The following ATP13A4 variants were observed in gnomAD, a reference collection of about 807,000 sequenced individuals.
ATP13A4 encodes the protein probable cation-transporting ATPase 13A4.
ATP13A4 carries 114 observed loss-of-function variants against 142.5 expected under a neutral mutation model. That is an observed-to-expected ratio of 0.80 (90% CI 0.69 to 0.93). ATP13A4 has a LOEUF of 0.93. ATP13A4 is among the 40% of genes least tolerant of loss of function. The probability of loss-of-function intolerance (pLI) is 0.00; values close to 1 mark genes in which losing one functional copy is unlikely to be tolerated. For missense variants in ATP13A4, 1,392 were observed against 1,454.0 expected, an observed-to-expected ratio of 0.96 and a Z score of 0.69; for synonymous variants, 488 against 514.8, an observed-to-expected ratio of 0.95 and a Z score of 0.70.
intron 2 of ATP13A4, among the ~76,000 whole-genome samples, chr3:193,570,765 G>T (rs1482191774): frequency 1.3e-5 from 2 of 152,188 alleles, no homozygotes; most frequent in Non-Finnish European, 2.9e-5. Flanking sequence ...TACCAGTTGT[G>T]TGGTCAGGGG....
chr3:193,412,446 C>T, intron 26 of ATP13A4, 75 bp from the exon 27 acceptor site: 1 of 1,390,864 alleles, frequency 7.2e-7, no homozygotes, highest in East Asian at 2.4e-5. Flanking sequence ...CAGAAGATTC[C>T]ATACCAAACA....
chr3:193,502,573 A>G lies in ATP13A4; in HGVS notation c.301T>C (p.Phe101Leu). Residue 101 changes from phenylalanine (F) to leucine (L), a missense_variant, in exon 3 of 30, where the codon TTT becomes CTT. Phe to Leu is a conservative substitution (Grantham distance 22). Transcript: ENST00000342695. ...WIYLSALNSAFGLTPDHPLMT... is the reference protein window; with the variant it reads ...WIYLSALNSALGLTPDHPLMT... ...AGAGGGTGGTCAGGAGTGAGACCAAATGCGCTGTTTAATGCTGACAGGTAG... is the reference window on the plus strand; with the variant it reads ...AGAGGGTGGTCAGGAGTGAGACCAAGTGCGCTGTTTAATGCTGACAGGTAG... 6.2e-7 allele frequency: 1 copy of G among 1,613,706 alleles called. No homozygotes were observed. Among genetic ancestry groups the G allele is most frequent in the Non-Finnish European group, 8.5e-7 (1 of 1,179,622 alleles).
At chr3:193,407,187 G>T in intron 29 of ATP13A4, 126 bp downstream of exon 29, 1 of 782,002 alleles carries the variant, frequency 1.3e-6, no homozygotes, top group African/African-American at 1.7e-5. Flanking sequence ...TACTGTGAAG[G>T]AAGGGAGCCC....
intron 3 of ATP13A4, among the ~76,000 whole-genome samples, chr3:193,497,276 T>C (rs1260439863): frequency 6.6e-6 from 1 of 152,152 alleles, no homozygotes. Context: ...CAGACATTTT[T>C]CAAAAGAAGA....
At chr3:193,518,831 A>G (rs1157380382) in intron 1 of ATP13A4, among the ~76,000 whole-genome samples, 1 of 152,134 alleles carries the variant, frequency 6.6e-6, no homozygotes, top group Non-Finnish European at 1.5e-5. Flanking sequence ...CACTGAGGCT[A>G]TATGTTAGGT....
Position 193,512,251 on chromosome 3 carries a change from C to T in ATP13A4, c.234+2447G>A, listed in dbSNP as rs937287927. Among the ~76,000 whole-genome samples the T allele has an allele frequency of 5.9e-5, 9 of 152,206 alleles. No homozygotes were observed. The East Asian group carries it at 7.7e-4, about 13-fold the overall frequency. ...TAATAATCTGATAGATTCTTAAGTT[C>T]GCGTGGAGGGGTTGATCTATAAAAG... is the stretch of plus-strand genomic sequence containing the variant. On this transcript the variant is annotated intron_variant, in intron 2 of 29. Coordinates refer to ENST00000342695, the MANE Select transcript of ATP13A4 (RefSeq NM_032279.4).
chr3:193,501,655 T>C (rs920588244), intron 3 of ATP13A4, among the ~76,000 whole-genome samples: 13 of 151,850 alleles, frequency 8.6e-5, no homozygotes, highest in Non-Finnish European at 1.6e-4. Context: ...ATAATTTACT[T>C]TATTACTTTA....
At position 193,402,776 on chromosome 3, in the gene ATP13A4, C is replaced by G; in HGVS notation, c.3467G>C (p.Arg1156Thr). ...CCAACTAGGGTCATTTGCCAAGTCC[C>G]TCTGCCATATCCGATACTGGCTTTT... Reference protein sequence around the residue: ...QSKSQYRIWQRDLANDPSWPP... With the variant: ...QSKSQYRIWQTDLANDPSWPP... Residue 1156 changes from arginine (R) to threonine (T), a missense_variant, in exon 30 of 30, where the codon AGG (arginine) becomes ACG (threonine). Coordinates refer to ENST00000342695, the MANE Select transcript of ATP13A4 (RefSeq NM_032279.4). 1 of 1,614,134 alleles carries G rather than the reference C, an allele frequency of 6.2e-7. No individual in the cohort carries two copies. The highest frequency in any genetic ancestry group is 1.1e-5 in the South Asian group (1 of 91,082).
intron 24 of ATP13A4, among the ~76,000 whole-genome samples, chr3:193,434,643 T>C (rs1017257109): frequency 6.6e-6 from 1 of 152,186 alleles, no homozygotes; most frequent in African/African-American, 2.4e-5. Context: ...CTAAAATCTT[T>C]AACCCAGGAA....
intron 9 of ATP13A4, 62 bp downstream of exon 9, chr3:193,470,797 C>T: frequency 6.2e-7 from 1 of 1,611,456 alleles, no homozygotes; most frequent in Non-Finnish European, 8.5e-7. Flanking sequence ...GCGTAGGGAC[C>T]ATAGCAGCGT....
At chr3:193,555,110 G>C, upstream of ATP13A4, 1 of 456,186 alleles carries the variant, frequency 2.2e-6, no homozygotes, top group East Asian at 5.1e-5. Context: ...TACAGGGAAA[G>C]AACTCATTGC....
At chr3:193,490,336 G>C (rs1224467836) in intron 6 of ATP13A4, among the ~76,000 whole-genome samples, 1 of 152,200 alleles carries the variant, frequency 6.6e-6, no homozygotes, top group Non-Finnish European at 1.5e-5. Context: ...CTGGCCTTCA[G>C]AAAGGTGAAG....
chr3:193,430,261 G>A (rs1453684764), intron 25 of ATP13A4, among the ~76,000 whole-genome samples: 1 of 152,096 alleles, frequency 6.6e-6, no homozygotes, highest in Non-Finnish European at 1.5e-5. Flanking sequence ...ATTTGGCTTC[G>A]TGTGAAGGGG....
chr3:193,485,806 G>A (rs1719579600), intron 7 of ATP13A4, among the ~76,000 whole-genome samples: 1 of 151,814 alleles, frequency 6.6e-6, no homozygotes, highest in South Asian at 2.1e-4. Flanking sequence ...GATGCAATAG[G>A]AAGGTACCAT....
At chr3:193,414,034 C>T (rs759040349) in intron 26 of ATP13A4, among the ~76,000 whole-genome samples, 31 of 152,202 alleles carry the variant, frequency 2.0e-4, no homozygotes, top group Non-Finnish European at 3.8e-4. Flanking sequence ...GATGTCACCA[C>T]GGAGGCCCAA....
At chr3:193,543,980 C>T (rs565512484) in intron 1 of ATP13A4, among the ~76,000 whole-genome samples, 11 of 152,254 alleles carry the variant, frequency 7.2e-5, no homozygotes, top group African/African-American at 1.9e-4. Context: ...CTCAGAAACT[C>T]TTCTTCCCAA....
intron 1 of ATP13A4, among the ~76,000 whole-genome samples, chr3:193,538,545 T>C (rs1397291825): frequency 1.3e-5 from 2 of 149,936 alleles, no homozygotes; most frequent in Non-Finnish European, 3.0e-5. Context: ...CATAGCAGCT[T>C]GTAAATATCT....
chr3:193,436,976 C>A (rs951153781), intron 23 of ATP13A4, among the ~76,000 whole-genome samples: 27 of 148,316 alleles, frequency 1.8e-4, no homozygotes, highest in Admixed American at 1.7e-3. Context: ...TGGTGGCGGG[C>A]GCCTGTAGTC....
At chr3:193,432,119 AGAGAAAGGTT>A (rs11278868) in intron 25 of ATP13A4, among the ~76,000 whole-genome samples, 94,739 of 151,440 alleles carry the variant, frequency 0.63, 31,267 homozygotes, top group Non-Finnish European at 0.74. Context: ...CTAGTAAACA[AGAGAAAGGTT>A]GATAATAATG....
Sources: gnomAD v4.1 joint callset for allele counts (sites outside exome capture counted in the v4.1 genomes callset) on GRCh38, gnomAD v4.1.1 for gene constraint, MANE v1.5 for transcripts, NCBI Gene and HGNC (gene_info 2026-07-23, HGNC 2026-07-21) for gene names.